Variants in NRG1 observed in about 807,000 individuals in gnomAD.
NRG1 encodes neuregulin 1, also known as pro-neuregulin-1, membrane-bound isoform.
NRG1 carries 18 observed loss-of-function variants against 63.8 expected under a neutral mutation model. The ratio of observed to expected loss-of-function variants is 0.28; its 90% confidence interval spans 0.19 to 0.42. NRG1 has a LOEUF of 0.42. Among genes scored for constraint, NRG1 ranks in the 10% least tolerant of loss-of-function variants. The pLI is 1.00. For synonymous variants in NRG1, 302 were observed against 301.3 expected (o/e 1.00, Z -0.02); for missense variants, 762 against 814.7 (o/e 0.94, Z 0.79).
intron 5 of NRG1, among the ~76,000 whole-genome samples, chr8:32,619,030 T>C (rs1847870188): frequency 6.6e-6 from 1 of 151,954 alleles, no homozygotes; most frequent in African/African-American, 2.4e-5. Flanking sequence ...CTGGGTAACA[T>C]TAGTCAGACC....
chr8:31,898,446 A>AT (rs1486167412), intron 1 of NRG1, among the ~76,000 whole-genome samples: 1 of 152,246 alleles, frequency 6.6e-6, no homozygotes, highest in African/African-American at 2.4e-5. Context: ...AAGACTAAGT[A>AT]TTTTGTAAAT....
intron 5 of NRG1, among the ~76,000 whole-genome samples, chr8:32,716,352 A>G (rs1474870393): frequency 6.6e-6 from 1 of 152,210 alleles, no homozygotes; most frequent in African/African-American, 2.4e-5. Flanking sequence ...GAATGAACAC[A>G]GCCTACCATT....
intron 1 of NRG1, among the ~76,000 whole-genome samples, chr8:31,975,730 C>T (rs2129629783): frequency 6.6e-6 from 1 of 152,214 alleles, no homozygotes; most frequent in East Asian, 1.9e-4. Context: ...GACTTCTCCA[C>T]ATGCTGTATG....
chr8:31,763,169 C>T (rs987767949), intron 1 of NRG1, among the ~76,000 whole-genome samples: 3 of 152,074 alleles, frequency 2.0e-5, no homozygotes, highest in African/African-American at 7.2e-5. Context: ...AGAGATATTT[C>T]TCATTTGATA....
intron 3 of NRG1, among the ~76,000 whole-genome samples, chr8:32,613,445 T>C (rs1588694438): frequency 6.6e-6 from 1 of 152,194 alleles, no homozygotes; most frequent in Non-Finnish European, 1.5e-5. Flanking sequence ...CCTGCTAGAC[T>C]AGTCCAATCT....
At chr8:32,754,428 C>A (rs1829296074) in exon 8 of NRG1, 2 of 1,613,894 alleles carry the variant, frequency 1.2e-6, no homozygotes, top group East Asian at 4.5e-5. Flanking sequence ...CTGCATCGCC[C>A]TCCTTGTGGT....
chr8:32,251,558 T>C (rs1450354801), intron 1 of NRG1, among the ~76,000 whole-genome samples: 1 of 152,210 alleles, frequency 6.6e-6, no homozygotes, highest in Non-Finnish European at 1.5e-5. Context: ...CTTATAATCC[T>C]TTGGGTGTAT....
intron 1 of NRG1, among the ~76,000 whole-genome samples, chr8:32,044,592 T>C (rs2130723804): frequency 6.6e-6 from 1 of 151,862 alleles, no homozygotes; most frequent in East Asian, 1.9e-4. Flanking sequence ...GTTCATGGAA[T>C]TGAAGTCACA....
chr8:32,378,745 A>G (rs940121362), intron 1 of NRG1, among the ~76,000 whole-genome samples: 13 of 151,900 alleles, frequency 8.6e-5, no homozygotes, highest in African/African-American at 2.9e-4. Flanking sequence ...TATTAGGTAT[A>G]TCTCCAAATG....
intron 1 of NRG1, among the ~76,000 whole-genome samples, chr8:32,278,599 A>G (rs1262461666): frequency 2.0e-5 from 3 of 151,054 alleles, no homozygotes; most frequent in East Asian, 2.0e-4. Context: ...AGCTCTGCCC[A>G]TTAGATGAGA....
intron 3 of NRG1, among the ~76,000 whole-genome samples, chr8:32,613,655 T>C (rs956307980): frequency 3.9e-5 from 6 of 152,054 alleles, no homozygotes; most frequent in Non-Finnish European, 8.8e-5. Flanking sequence ...GGTTAGAAAA[T>C]GTGAACTACC....
At chr8:32,291,353 C>T (rs562291415) in intron 1 of NRG1, among the ~76,000 whole-genome samples, 5 of 152,100 alleles carry the variant, frequency 3.3e-5, no homozygotes, top group Admixed American at 3.3e-4. Flanking sequence ...ACTGTGAAAC[C>T]ACTGACCTGG....
intron 1 of NRG1, among the ~76,000 whole-genome samples, chr8:32,340,929 T>C (rs978234194): frequency 6.6e-6 from 1 of 152,216 alleles, no homozygotes; most frequent in Non-Finnish European, 1.5e-5. Context: ...ACAGTCAAGA[T>C]GAGTGCTTGA....
At chr8:32,015,998 A>G (rs1815475011) in intron 1 of NRG1, among the ~76,000 whole-genome samples, 2 of 152,230 alleles carry the variant, frequency 1.3e-5, no homozygotes, top group African/African-American at 4.8e-5. Flanking sequence ...TTGACATTGT[A>G]GTACAACATG....
intron 1 of NRG1, among the ~76,000 whole-genome samples, chr8:31,931,672 T>A (rs1428039718): frequency 6.6e-6 from 1 of 152,140 alleles, no homozygotes; most frequent in Non-Finnish European, 1.5e-5. Context: ...GTGCCCCAAC[T>A]TGTGAAAGAT....
At chr8:32,402,088 T>G (rs1813285055) in intron 1 of NRG1, among the ~76,000 whole-genome samples, 1 of 152,142 alleles carries the variant, frequency 6.6e-6, no homozygotes, top group African/African-American at 2.4e-5. Context: ...ATTTTTGTAT[T>G]TTTTAGTACA....
chr8:32,015,851 TTTG>T (rs1815445377), intron 1 of NRG1, among the ~76,000 whole-genome samples: 1 of 147,492 alleles, frequency 6.8e-6, no homozygotes, highest in African/African-American at 2.5e-5. Flanking sequence ...TTTTCTCTTG[TTTG>T]TTTTTTTTTT....
chr8:32,540,974 G>C lies in NRG1; in HGVS notation c.38-54854G>C, dbSNP rs558254581. 3.3e-5 allele frequency among the ~76,000 whole-genome samples: 5 copies of C among 152,314 alleles called. No individual in the cohort carries two copies. The East Asian group carries it at 9.6e-4, about 29-fold the overall frequency. On this transcript the variant is annotated intron_variant, in intron 1 of 10. Coordinates refer to the NRG1 transcript ENST00000519301. ...TTGTTCTGCTAAATCATCTTTAAAA[G>C]ATGACTTGCCTTCTTGAGTTGTTAA...
At chr8:32,686,806 G>A (rs1810271373) in intron 5 of NRG1, among the ~76,000 whole-genome samples, 1 of 152,200 alleles carries the variant, frequency 6.6e-6, no homozygotes, top group Non-Finnish European at 1.5e-5. Context: ...ACTCACAGGA[G>A]GTGGAGAAAA....
Sources: gnomAD v4.1 joint callset for allele counts (sites outside exome capture counted in the v4.1 genomes callset) on GRCh38, gnomAD v4.1.1 for gene constraint, MANE v1.5 for transcripts, NCBI Gene and HGNC (gene_info 2026-07-23, HGNC 2026-07-21) for gene names.